UNC79: variants seen among roughly 807,000 people sequenced by gnomAD.
UNC79 encodes unc-79 subunit of NALCN channel complex, also known as protein unc-79 homolog.
Under a neutral mutation model 283.1 loss-of-function variants are expected in UNC79, and 37 were observed. That is an observed-to-expected ratio of 0.13 (90% confidence interval 0.10 to 0.17). The LOEUF (loss-of-function observed/expected upper bound fraction) is 0.17. UNC79 is among the 10% of genes least tolerant of loss of function. UNC79 has a pLI of 1.00. For synonymous variants in UNC79, 1,107 were observed against 1,200.2 expected (o/e 0.92, Z 1.61); for missense variants, 2,272 against 3,211.1 (o/e 0.71, Z 7.07).
At chr14:93,414,090 G>A (rs1223329436) in intron 1 of UNC79, among the ~76,000 whole-genome samples, 2 of 151,980 alleles carry the variant, frequency 1.3e-5, no homozygotes, top group Non-Finnish European at 2.9e-5. Flanking sequence ...TTTTAGACAC[G>A]AAGTCCTTGC....
Position 93,566,219 on chromosome 14 carries a change from A to G in UNC79, c.1756-5675A>G, listed in dbSNP as rs7140959. ...CCTGTGGACCTGCATTGGTTGCCGG[A>G]GAATCTCTTATAAACCAGACTCTTT... On this transcript the variant is annotated intron_variant, in intron 14 of 48. Coordinates refer to ENST00000555664, the Ensembl canonical transcript of UNC79. 4.4e-3 allele frequency among the ~76,000 whole-genome samples: 664 copies of G among 152,270 alleles called. 7 individuals are homozygous for G. The highest frequency in any genetic ancestry group is 0.015 in the African/African-American group (630 of 41,544).
intron 31 of UNC79, among the ~76,000 whole-genome samples, chr14:93,632,314 C>T (rs984566507): frequency 6.6e-6 from 1 of 152,320 alleles, no homozygotes; most frequent in African/African-American, 2.4e-5. Flanking sequence ...TTACAAAAAT[C>T]TGTTAGATCA....
At chr14:93,568,460 G>A (rs1232603575) in intron 14 of UNC79, among the ~76,000 whole-genome samples, 2 of 152,096 alleles carry the variant, frequency 1.3e-5, no homozygotes, top group African/African-American at 2.4e-5. Context: ...GATCACCTGA[G>A]GTCAGGAGTT....
intron 38 of UNC79, among the ~76,000 whole-genome samples, chr14:93,655,797 A>G (rs1056961162): frequency 2.0e-5 from 3 of 152,180 alleles, no homozygotes; most frequent in African/African-American, 7.2e-5. Context: ...ATTTTAGAGA[A>G]TTATCTAAAG....
At chr14:93,443,402 C>T (rs72691017) in intron 1 of UNC79, among the ~76,000 whole-genome samples, 13,625 of 149,268 alleles carry the variant, frequency 0.091, 689 homozygotes, top group Middle Eastern at 0.19. Flanking sequence ...TCATTCAGTG[C>T]ATACTCTTTT....
intron 26 of UNC79, among the ~76,000 whole-genome samples, chr14:93,610,243 T>C (rs2066203162): frequency 6.6e-6 from 1 of 152,174 alleles, no homozygotes; most frequent in African/African-American, 2.4e-5. Context: ...GAGCTCCCTT[T>C]CTTCTGTATT....
intron 47 of UNC79, among the ~76,000 whole-genome samples, chr14:93,700,427 C>A (rs1225967363): frequency 1.3e-5 from 2 of 152,106 alleles, no homozygotes; most frequent in African/African-American, 4.8e-5. Context: ...ATATAGGTAT[C>A]ATAACTGTTT....
chr14:93,618,655 G>A (rs901834936), intron 29 of UNC79, among the ~76,000 whole-genome samples: 7 of 152,116 alleles, frequency 4.6e-5, no homozygotes, highest in African/African-American at 1.2e-4. Flanking sequence ...GAAGCATCTC[G>A]TTTTTGGGCT....
chr14:93,584,427 G>A (rs1404010722), intron 20 of UNC79, among the ~76,000 whole-genome samples: 1 of 152,198 alleles, frequency 6.6e-6, no homozygotes, highest in Admixed American at 6.5e-5. Flanking sequence ...TAGTGGCAGG[G>A]TTGGGACTAG....
Position 93,644,162 on chromosome 14 carries a change from G to C in UNC79, c.6044+465G>C, listed in dbSNP as rs1255628402. On this transcript the variant is annotated intron_variant, in intron 34 of 48. Coordinates refer to ENST00000555664, the Ensembl canonical transcript of UNC79. ...GAGGAGACACATAGTAATTATAGCA[G>C]GTTCACATTTCTGACTCAGATAAAA... is the stretch of plus-strand genomic sequence containing the variant. Among the ~76,000 whole-genome samples the C allele has an allele frequency of 2.0e-5, 3 of 152,280 alleles. No homozygotes were observed. In the East Asian group the frequency reaches 5.8e-4, roughly 29 times the overall value.
chr14:93,669,073 G>A (rs1236261933), intron 40 of UNC79, among the ~76,000 whole-genome samples: 3 of 151,198 alleles, frequency 2.0e-5, no homozygotes, highest in African/African-American at 7.3e-5. Flanking sequence ...TTAAATAAAT[G>A]GAAAGAGATT....
chr14:93,649,716 T>C (rs1318038986), intron 35 of UNC79, among the ~76,000 whole-genome samples: 2 of 152,222 alleles, frequency 1.3e-5, no homozygotes, highest in Admixed American at 6.5e-5. Context: ...GTTATCTTTT[T>C]ATTTTTTGGT....
chr14:93,347,939 A>C, intron 1 of UNC79: 1 of 799,580 alleles, frequency 1.3e-6, no homozygotes, highest in Non-Finnish European at 2.2e-6. Context: ...CTAGGTGCTC[A>C]AAATGTTTTT....
chr14:93,630,810 C>T, exon 31 of UNC79: 1 of 1,613,582 alleles, frequency 6.2e-7, no homozygotes, highest in Non-Finnish European at 8.5e-7. Flanking sequence ...GATCCTTCTA[C>T]TAAAGGACTT....
chr14:93,514,366 G>C (rs1026820480), intron 7 of UNC79, among the ~76,000 whole-genome samples: 23 of 152,132 alleles, frequency 1.5e-4, no homozygotes, highest in African/African-American at 4.6e-4. Flanking sequence ...TATTCCTAAG[G>C]TGTGACCTAT....
At chr14:93,538,525 G>C (rs2061197265) in intron 12 of UNC79, among the ~76,000 whole-genome samples, 1 of 152,120 alleles carries the variant, frequency 6.6e-6, no homozygotes. Flanking sequence ...GGTACGGTTT[G>C]GTGAGCTCAG....
At chr14:93,586,555 G>T in intron 20 of UNC79, 41 bp from the exon 21 acceptor site, 1 of 1,527,172 alleles carries the variant, frequency 6.5e-7, no homozygotes, top group Non-Finnish European at 9.0e-7. Context: ...ATGGGGGAGA[G>T]GAAGAGTTAG....
At chr14:93,510,597 G>C (rs1401962186) in intron 7 of UNC79, among the ~76,000 whole-genome samples, 1 of 152,142 alleles carries the variant, frequency 6.6e-6, no homozygotes, top group Non-Finnish European at 1.5e-5. Flanking sequence ...CAGATCCCTA[G>C]AGCAGCGGCA....
intron 39 of UNC79, among the ~76,000 whole-genome samples, chr14:93,660,559 ATATATGTGTGTGTGTG>A (rs1434968161): frequency 3.3e-4 from 29 of 86,848 alleles, no homozygotes; most frequent in African/African-American, 7.0e-4. Flanking sequence ...ATATATATAT[ATATATGTGTGTGTGTG>A]TGTGTTCATT....
Sources: allele counts gnomAD v4.1 joint callset (sites outside exome capture counted in the v4.1 genomes callset), GRCh38; gene constraint gnomAD v4.1.1; transcripts MANE v1.5; gene names NCBI Gene and HGNC (gene_info 2026-07-23, HGNC 2026-07-21).